CEACAM21: variants seen among roughly 807,000 people sequenced by gnomAD.
The protein encoded by CEACAM21 is CEA cell adhesion molecule 21, also known as cell adhesion molecule CEACAM21.
A neutral mutation model predicts 33.2 loss-of-function variants in CEACAM21; 38 were observed. The observed-to-expected ratio is 1.14, with a 90% CI of 0.88 to 1.50. CEACAM21 has a LOEUF of 1.50. CEACAM21 is among the 40% of genes most tolerant of loss of function. The probability of loss-of-function intolerance (pLI) is 0.00; values close to 1 mark genes in which losing one functional copy is unlikely to be tolerated. For missense variants in CEACAM21, 385 were observed against 364.6 expected (o/e 1.06, Z -0.46); for synonymous variants, 156 against 143.0 (o/e 1.09, Z -0.65).
At chr19:41,583,754 G>A (rs1480723958) in intron 3 of CEACAM21, among the ~76,000 whole-genome samples, 2 of 152,114 alleles carry the variant, frequency 1.3e-5, no homozygotes, top group African/African-American at 4.8e-5. Context: ...CTCCCACAAG[G>A]TCCCTCCCAT....
At chr19:41,568,741 A>G (rs1342669715) in intron 2 of CEACAM21, among the ~76,000 whole-genome samples, 2 of 152,080 alleles carry the variant, frequency 1.3e-5, no homozygotes, top group African/African-American at 4.8e-5. Context: ...GCTTTGTTCT[A>G]TTTGTTTAAG....
chr19:41,578,292 C>A (rs1555792085), intron 2 of CEACAM21, among the ~76,000 whole-genome samples: 1 of 146,642 alleles, frequency 6.8e-6, no homozygotes, highest in Non-Finnish European at 1.5e-5. Flanking sequence ...AGGAATCAGG[C>A]CCAGAGAACT....
In CEACAM21 at chr19:41,576,256, A is replaced by G. The variant is rs782752426; in HGVS notation, c.-19A>G. On this transcript the variant is annotated 5_prime_UTR_variant, in exon 1 of 7. Transcript: ENST00000401445. ...CAAGCTCCTCTCCACAGAGGAGGAC[A>G]GAGCAGGCAGCAGAGACCATGGGGC... The G allele has an allele frequency of 4.0e-5, 65 of 1,613,820 alleles. No homozygotes were observed. Among genetic ancestry groups the G allele is most frequent in the Admixed American group, 2.7e-4 (16 of 59,974 alleles).
At chr19:41,551,203 A>G (rs2041179125) in intron 1 of CEACAM21, 1 of 130,760 alleles carries the variant, frequency 7.6e-6, no homozygotes, top group Admixed American at 8.7e-5. Context: ...CTTCTTGCCC[A>G]GGCTGGAGTG....
At position 41,565,090 on chromosome 19, in the gene CEACAM21, G is replaced by A. The variant is rs1289613883; in HGVS notation, c.-404+34G>A. 20 of 152,566 alleles carry A rather than the reference G, an allele frequency of 1.3e-4. 1 individual carries two copies. Among genetic ancestry groups the A allele is most frequent in the African/African-American group, 4.3e-4 (18 of 41,578 alleles). The allele number at this position is 152,566 out of a possible 1,614,324, so 9.5% of individuals were successfully genotyped here. A position where few individuals can be genotyped will look rare whatever the true frequency, so the allele number is the denominator to read the frequency against. On this transcript the variant is annotated intron_variant, in intron 2 of 7. Transcript: ENST00000407170. The stretch of plus-strand genomic sequence containing the variant: ...CCCCAACCTGCACCATTCGCGCCCC[G>A]AGGCGCCCCAAGCGCGGCTGGGAGG...
At chr19:41,568,824 A>G (rs1159618714) in intron 2 of CEACAM21, among the ~76,000 whole-genome samples, 3 of 152,200 alleles carry the variant, frequency 2.0e-5, no homozygotes, top group African/African-American at 4.8e-5. Flanking sequence ...AGGATCTTCT[A>G]CTTCTTCGAA....
intron 2 of CEACAM21, among the ~76,000 whole-genome samples, chr19:41,566,588 A>C (rs1348809567): frequency 6.6e-6 from 1 of 152,014 alleles, no homozygotes; most frequent in Non-Finnish European, 1.5e-5. Flanking sequence ...ATTTTGTTTG[A>C]TTTTGCATGT....
chr19:41,585,833 T>A lies in CEACAM21; in HGVS notation c.851-7T>A, dbSNP rs782479499. The stretch of plus-strand genomic sequence containing the variant: ...ACTCTCGTGCTCACTTTTGTCTCTG[T>A]CCCCAGGCCATGGACCCTCTGACAG... On this transcript the variant is annotated splice_polypyrimidine_tract_variant and splice_region_variant and intron_variant, in intron 5 of 6. Coordinates refer to ENST00000401445, the MANE Select transcript of CEACAM21 (RefSeq NM_001098506.4). 9.3e-6 allele frequency: 15 copies of A among 1,612,258 alleles called. No individual in the cohort carries two copies. The highest frequency in any genetic ancestry group is 1.2e-5 in the Non-Finnish European group (14 of 1,179,292).
At chr19:41,559,000 C>T (rs973028764) in intron 1 of CEACAM21, among the ~76,000 whole-genome samples, 1 of 152,156 alleles carries the variant, frequency 6.6e-6, no homozygotes, top group African/African-American at 2.4e-5. Flanking sequence ...TTGAGTGTCA[C>T]ACTTTAATAG....
chr19:41,578,731 C>A (rs573085613), intron 2 of CEACAM21, among the ~76,000 whole-genome samples: 1 of 152,176 alleles, frequency 6.6e-6, no homozygotes, highest in Non-Finnish European at 1.5e-5. Flanking sequence ...ATTGTCCAAG[C>A]CTCTCCCATC....
rs1186624339 is a variant in CEACAM21, at chr19:41,579,216, G to A, written c.425-137G>A. ...GTCCCTACTGCTCGCTGCTATGGGT[G>A]TCTCTGGTTCTCTCTGCTCCTCCCT... On this transcript the variant is annotated intron_variant, in intron 2 of 6. Transcript: ENST00000401445. The A allele has an allele frequency of 7.8e-6, 11 of 1,418,956 alleles. No homozygotes were observed. In the Admixed American group the frequency reaches 1.4e-4, roughly 18 times the overall value. The allele number at this position is 1,418,956 out of a possible 1,614,324, so 87.9% of individuals were successfully genotyped here.
At chr19:41,563,800 G>A (rs1555787508) in intron 1 of CEACAM21, among the ~76,000 whole-genome samples, 1 of 152,234 alleles carries the variant, frequency 6.6e-6, no homozygotes, top group African/African-American at 2.4e-5. Flanking sequence ...TGGACAAGGG[G>A]CTCTCAGCAC....
intron 3 of CEACAM21, among the ~76,000 whole-genome samples, chr19:41,582,091 T>C (rs1380743057): frequency 2.0e-5 from 3 of 152,170 alleles, no homozygotes; most frequent in Non-Finnish European, 4.4e-5. Flanking sequence ...ACTGGGTAAA[T>C]ACAACCATTC....
At chr19:41,584,659 C>G (rs1191993031) in intron 4 of CEACAM21, among the ~76,000 whole-genome samples, 1 of 152,204 alleles carries the variant, frequency 6.6e-6, no homozygotes, top group East Asian at 1.9e-4. Context: ...CCAATTAAGG[C>G]CATGCCCCTG....
At chr19:41,585,775 ACACTC>A in intron 5 of CEACAM21, 60 bp from the exon 6 acceptor site, 6 of 1,519,368 alleles carry the variant, frequency 3.9e-6, no homozygotes, top group Non-Finnish European at 5.4e-6. Context: ...GGACCCCCAC[ACACTC>A]TTGCAGGAGG....
chr19:41,569,626 C>T (rs528034411), intron 2 of CEACAM21, among the ~76,000 whole-genome samples: 13 of 152,170 alleles, frequency 8.5e-5, no homozygotes, highest in Admixed American at 3.9e-4. Flanking sequence ...TCAGAGTGCA[C>T]ATCTCCTTGC....
chr19:41,561,964 G>A (rs189743823), intron 1 of CEACAM21, among the ~76,000 whole-genome samples: 25 of 152,300 alleles, frequency 1.6e-4, no homozygotes, highest in African/African-American at 5.8e-4. Context: ...AAAGAACACA[G>A]GCCAGGTGCT....
chr19:41,562,692 GA>G (rs372676178), intron 1 of CEACAM21, among the ~76,000 whole-genome samples: 25 of 146,710 alleles, frequency 1.7e-4, no homozygotes, highest in Non-Finnish European at 2.3e-4. Flanking sequence ...AATTTTGACC[GA>G]AAAAAAAAGC....
At chr19:41,571,552 C>T (rs868920767), upstream of CEACAM21, among the ~76,000 whole-genome samples, 2 of 152,200 alleles carry the variant, frequency 1.3e-5, no homozygotes, top group Non-Finnish European at 1.5e-5. Context: ...GAAAACATCT[C>T]AGCCATGAAT....
Sources: gnomAD v4.1 joint callset for allele counts (sites outside exome capture counted in the v4.1 genomes callset) on GRCh38, gnomAD v4.1.1 for gene constraint, MANE v1.5 for transcripts, NCBI Gene and HGNC (gene_info 2026-07-23, HGNC 2026-07-21) for gene names.